AZGP1: variants seen among roughly 807,000 people sequenced by gnomAD.
AZGP1 encodes zinc-alpha-2-glycoprotein.
In AZGP1, 28 loss-of-function variants were observed where a neutral mutation model predicts 31.5. The ratio of observed to expected loss-of-function variants is 0.89; its 90% confidence interval spans 0.66 to 1.22. AZGP1 has a LOEUF of 1.22. AZGP1 is among the 50% of genes most tolerant of loss of function. AZGP1 has a pLI of 0.00. For missense variants in AZGP1, 361 were observed against 371.8 expected, an observed-to-expected ratio of 0.97 and a Z score of 0.24; for synonymous variants, 135 against 145.4, an observed-to-expected ratio of 0.93 and a Z score of 0.51.
intron 3 of AZGP1, 149 bp downstream of exon 3, chr7:99,968,006 G>T: frequency 9.2e-7 from 1 of 1,089,200 alleles, no homozygotes. Flanking sequence ...TATTATCCCA[G>T]GGAAGGAATA....
chr7:99,966,898 G>T lies in AZGP1; in HGVS notation c.*105C>A. 6.8e-7 allele frequency: 1 copy of T among 1,467,224 alleles called. No homozygotes were observed. Among genetic ancestry groups the T allele is most frequent in the Non-Finnish European group, 9.2e-7 (1 of 1,081,262 alleles). 90.9% of individuals were successfully genotyped at this position (1,467,224 alleles called of 1,614,324 possible). On this transcript the variant is annotated 3_prime_UTR_variant, in exon 4 of 4. Transcript: ENST00000292401. Reference sequence around the variant, plus strand: ...TCTGTCCCCCCACACTGCTCCTCAGGCCTTGTGGATCCATTGACTGTGATT... The same window carrying T: ...TCTGTCCCCCCACACTGCTCCTCAGTCCTTGTGGATCCATTGACTGTGATT...
Position 99,976,013 on chromosome 7 carries a change from C to T in AZGP1, c.8G>A (p.Arg3Lys). 1 of 1,614,110 alleles carries T rather than the reference C, an allele frequency of 6.2e-7. No homozygotes were observed. Among genetic ancestry groups the T allele is most frequent in the Non-Finnish European group, 8.5e-7 (1 of 1,180,026 alleles). The change falls in exon 1 of 4, where the codon AGA (arginine) becomes AAA (lysine). Residue 3 changes from arginine to lysine, a missense_variant. Coordinates refer to ENST00000292401, the MANE Select transcript of AZGP1 (RefSeq NM_001185.4). Reference protein sequence around the residue: MVRMVPVLLSLLL... With the variant: MVKMVPVLLSLLL... ...CAGAGACAGCAGGACAGGCACCATT[C>T]TTACCATTGTGTCTGCTTGGAGGGT...
At position 99,971,714 on chromosome 7, in the gene AZGP1, C is replaced by G. The variant is rs376982756; in HGVS notation, c.337+32G>C. On this transcript the variant is annotated intron_variant, in intron 2 of 3. Coordinates refer to ENST00000292401, the MANE Select transcript of AZGP1 (RefSeq NM_001185.4). ...TGGGGGGGCTGCCTCTTGGGTTAGA[C>G]CTTCCACCCCTGTGGTCTGTTATTC... The G allele has an allele frequency of 5.0e-6, 8 of 1,601,652 alleles. No homozygotes were observed. The South Asian group carries it at 9.0e-5, about 18-fold the overall frequency.
chr7:99,968,405 A>C lies in AZGP1; in HGVS notation c.363T>G (p.Phe121Leu). The change falls in exon 3 of 4, where the codon TTT becomes TTG. Residue 121 changes from phenylalanine (F) to leucine (L), a missense_variant. Phe to Leu is a conservative substitution (Grantham distance 22). Transcript: ENST00000292401. ...TTCTGTTATTCTCGATCTCACAACC[A>C]AACCTTCCCTGCAATACGTGAGACC... ...SNGSHVLQGR[F>L]GCEIENNRSS... 3 of 1,613,904 alleles carry C rather than the reference A, an allele frequency of 1.9e-6. No individual in the cohort carries two copies. The highest frequency in any genetic ancestry group is 2.5e-6 in the Non-Finnish European group (3 of 1,179,992).
At chr7:99,974,181 G>A (rs1442925560) in intron 1 of AZGP1, among the ~76,000 whole-genome samples, 3 of 152,008 alleles carry the variant, frequency 2.0e-5, no homozygotes, top group Admixed American at 6.6e-5. Flanking sequence ...CCCAACAGGC[G>A]GAGGTTTGCA....
intron 1 of AZGP1, among the ~76,000 whole-genome samples, chr7:99,973,724 T>A (rs1006170538): frequency 1.3e-5 from 2 of 151,494 alleles, no homozygotes; most frequent in Non-Finnish European, 2.9e-5. Flanking sequence ...GAAACCAGCC[T>A]GGCCAACATG....
In AZGP1 at chr7:99,972,000, T is replaced by C. The variant is rs774015678; in HGVS notation, c.83A>G (p.Tyr28Cys). The C allele has an allele frequency of 6.2e-7, 1 of 1,602,886 alleles. No individual in the cohort carries two copies. The highest frequency in any genetic ancestry group is 8.5e-7 in the Non-Finnish European group (1 of 1,173,912). The change falls in exon 2 of 4, where the codon TAC becomes TGC. Residue 28 changes from tyrosine (Y) to cysteine (C), a missense_variant. Physicochemically the swap from Tyr to Cys is radical, Grantham distance 194 (BLOSUM62 -2). Transcript: ENST00000292401. ...AVPQENQDGR[Y>C]SLTYIYTGLS... ...CCCAGTGTAGATATAGGTCAGAGAG[T>C]AACGACCTGCAAAAGAAAAGATTCT...
At chr7:99,970,979 A>G (rs1048189379) in intron 2 of AZGP1, among the ~76,000 whole-genome samples, 1 of 152,158 alleles carries the variant, frequency 6.6e-6, no homozygotes, top group Non-Finnish European at 1.5e-5. Context: ...AGCTCCTCTG[A>G]CCATAGCGCA....
intron 3 of AZGP1, chr7:99,967,747 C>A: frequency 2.2e-6 from 1 of 457,304 alleles, no homozygotes; most frequent in Non-Finnish European, 3.9e-6. Context: ...ATTTTACACG[C>A]CTCCCTTCTC....
chr7:99,974,257 A>G (rs545561215), intron 1 of AZGP1, among the ~76,000 whole-genome samples: 64 of 152,014 alleles, frequency 4.2e-4, no homozygotes, highest in African/African-American at 1.5e-3. Flanking sequence ...CTCAAAAATA[A>G]TAATAATAAT....
intron 1 of AZGP1, among the ~76,000 whole-genome samples, chr7:99,975,460 A>G (rs1364119579): frequency 6.6e-6 from 1 of 151,966 alleles, no homozygotes; most frequent in Non-Finnish European, 1.5e-5. Context: ...CGCCTTCCAG[A>G]CCCACTGCAG....
At chr7:99,967,572 C>T (rs1026787585) in intron 3 of AZGP1, 7 of 509,944 alleles carry the variant, frequency 1.4e-5, no homozygotes, top group African/African-American at 1.2e-4. Context: ...GAGTTCTGTC[C>T]CCCAGTCTCA....
intron 3 of AZGP1, 63 bp downstream of exon 3, chr7:99,968,092 C>G: frequency 6.3e-7 from 1 of 1,590,274 alleles, no homozygotes; most frequent in Non-Finnish European, 8.6e-7. Context: ...GTTGCCTGAG[C>G]TCCTAGCCTG....
chr7:99,967,212 A>T lies in AZGP1; in HGVS notation c.688T>A (p.Phe230Ile), dbSNP rs759542986. The change falls in exon 4 of 4, where the codon TTC (phenylalanine) becomes ATC (isoleucine). Residue 230 changes from phenylalanine (F) to isoleucine (I), a missense_variant. Coordinates refer to ENST00000292401, the MANE Select transcript of AZGP1 (RefSeq NM_001185.4). ...TGCACATCAATTTTCCCTGGGTAGA[A>T]GTCGTAGGCCAGGCACTTCAGTTTC... ...KKKLKCLAYD[F>I]YPGKIDVHWT... 6.2e-7 allele frequency: 1 copy of T among 1,613,932 alleles called. No homozygotes were observed. Among genetic ancestry groups the T allele is most frequent in the South Asian group, 1.1e-5 (1 of 91,042 alleles).
chr7:99,973,357 G>C (rs771216791), intron 1 of AZGP1, among the ~76,000 whole-genome samples: 2 of 152,070 alleles, frequency 1.3e-5, no homozygotes, highest in Non-Finnish European at 2.9e-5. Flanking sequence ...AATTTACACA[G>C]GTGCTAATGA....
In AZGP1 at chr7:99,968,315, G is replaced by A; in HGVS notation, c.453C>T (p.Ile151=). 5 of 1,613,580 alleles carry A rather than the reference G, an allele frequency of 3.1e-6. No homozygotes were observed. The highest frequency in any genetic ancestry group is 4.2e-6 in the Non-Finnish European group (5 of 1,179,926). ...CTGGGTCGAAGGGGACCCAGGCTGG[G>A]ATTTCTTTGTTGAATTCAATGTAGT... is the stretch of plus-strand genomic sequence containing the variant. ...GKDYIEFNKE[I]PAWVPFDPAA... The change falls in exon 3 of 4, where the codon ATC becomes ATT. Residue 151 remains isoleucine (I), a synonymous_variant. Transcript: ENST00000292401.
chr7:99,972,081 GA>G, intron 1 of AZGP1, 75 bp from the exon 2 acceptor site: 1 of 1,481,312 alleles, frequency 6.8e-7, no homozygotes, highest in Non-Finnish European at 9.0e-7. Context: ...GCTAGGAGGG[GA>G]GACCTGCCAC....
At chr7:99,970,667 C>G (rs947619289) in intron 2 of AZGP1, among the ~76,000 whole-genome samples, 2 of 152,028 alleles carry the variant, frequency 1.3e-5, no homozygotes, top group Non-Finnish European at 2.9e-5. Flanking sequence ...ACCTGTGCCC[C>G]CTCCTCTCCT....
intron 1 of AZGP1, among the ~76,000 whole-genome samples, chr7:99,974,658 G>T (rs1789630398): frequency 6.6e-6 from 1 of 152,120 alleles, no homozygotes; most frequent in African/African-American, 2.4e-5. Context: ...TAATTGGATT[G>T]TCTGTAACAC....
Sources: gnomAD v4.1 joint callset for allele counts (sites outside exome capture counted in the v4.1 genomes callset) on GRCh38, gnomAD v4.1.1 for gene constraint, MANE v1.5 for transcripts, NCBI Gene and HGNC (gene_info 2026-07-23, HGNC 2026-07-21) for gene names.